The following PRELID2 variants were observed in gnomAD, a reference collection of about 807,000 sequenced individuals.
PRELID2 encodes PRELI domain containing 2.
Under a neutral mutation model 28.4 loss-of-function variants are expected in PRELID2, and 25 were observed. The ratio of observed to expected loss-of-function variants is 0.88; its 90% CI spans 0.64 to 1.23. The LOEUF (loss-of-function observed/expected upper bound fraction) is 1.23. Among genes scored for constraint, PRELID2 ranks in the 50% most tolerant of loss-of-function variants. PRELID2 has a pLI of 0.00. For missense variants in PRELID2, 201 were observed against 214.4 expected (o/e 0.94, Z 0.39); for synonymous variants, 76 against 71.6 (o/e 1.06, Z -0.31).
chr5:145,755,242 C>T (rs1052064117), downstream of PRELID2, among the ~76,000 whole-genome samples: 2 of 152,130 alleles, frequency 1.3e-5, no homozygotes, highest in Non-Finnish European at 2.9e-5. Flanking sequence ...GGGCATTTTG[C>T]TTGTTGACTT....
downstream of PRELID2, among the ~76,000 whole-genome samples, chr5:145,468,604 G>T (rs547421546): frequency 3.3e-5 from 5 of 152,014 alleles, no homozygotes; most frequent in East Asian, 1.9e-4. Flanking sequence ...TTTAATGATC[G>T]CCATTCTAAC....
chr5:145,757,246 T>C lies in PRELID2; in HGVS notation c.*3290A>G, dbSNP rs1757285188. Among the ~76,000 whole-genome samples, 1 of 152,214 alleles carries C rather than the reference T, an allele frequency of 6.6e-6. No homozygotes were observed. Among genetic ancestry groups the C allele is most frequent in the Non-Finnish European group, 1.5e-5 (1 of 68,048 alleles). On this transcript the variant is annotated 3_prime_UTR_variant, in exon 7 of 7. Transcript: ENST00000683046. ...AAGAATACAGCACCTTTTTCATCCA[T>C]ATATGACTGAAACTATAAAAGCCCC...
intron 1 of PRELID2, among the ~76,000 whole-genome samples, chr5:145,519,430 GTT>G (rs1752545223): frequency 6.6e-6 from 1 of 152,176 alleles, no homozygotes; most frequent in African/African-American, 2.4e-5. Flanking sequence ...TACATCCTAA[GTT>G]TTTGAGGATG....
intron 1 of PRELID2, among the ~76,000 whole-genome samples, chr5:145,666,394 T>C (rs532247745): frequency 6.6e-6 from 1 of 152,162 alleles, no homozygotes; most frequent in African/African-American, 2.4e-5. Flanking sequence ...ACCCAAGCCA[T>C]ACAGAGCTAC....
At chr5:145,808,515 A>G (rs1301835200) in intron 4 of PRELID2, among the ~76,000 whole-genome samples, 1 of 152,206 alleles carries the variant, frequency 6.6e-6, no homozygotes, top group Non-Finnish European at 1.5e-5. Context: ...AAACATTTAA[A>G]AAGTTGTATC....
chr5:145,386,890 A>G, the PRELID2 span, among the ~76,000 whole-genome samples: 7 of 152,196 alleles, frequency 4.6e-5, no homozygotes. Flanking sequence ...TCACTTTATA[A>G]CATTAATTCT....
intron 1 of PRELID2, among the ~76,000 whole-genome samples, chr5:145,513,024 T>C (rs1258292049): frequency 1.3e-5 from 2 of 151,680 alleles, no homozygotes; most frequent in Non-Finnish European, 2.9e-5. Context: ...TCCACAAAAA[T>C]GAGGAAAAAA....
the PRELID2 span, among the ~76,000 whole-genome samples, chr5:145,297,602 T>A: frequency 6.6e-6 from 1 of 151,896 alleles, no homozygotes; most frequent in African/African-American, 2.4e-5. Context: ...CAACATAGTG[T>A]TGGAAGTTCT....
intron 1 of PRELID2, among the ~76,000 whole-genome samples, chr5:145,698,021 C>T (rs370180774): frequency 1.3e-5 from 2 of 151,648 alleles, no homozygotes; most frequent in African/African-American, 2.4e-5. Context: ...CATGAAGTTA[C>T]GGTTTGCAAG....
intron 1 of PRELID2, among the ~76,000 whole-genome samples, chr5:145,740,803 G>T: frequency 1.9e-5 from 2 of 106,852 alleles, no homozygotes; most frequent in African/African-American, 3.8e-5. Context: ...ATACATATAT[G>T]TATATACATT....
At chr5:145,435,883 G>C in the PRELID2 span, among the ~76,000 whole-genome samples, 2 of 152,088 alleles carry the variant, frequency 1.3e-5, no homozygotes, top group East Asian at 3.9e-4. Flanking sequence ...GTTTCTCTAA[G>C]CCTTCATTTT....
the PRELID2 span, among the ~76,000 whole-genome samples, chr5:145,388,264 C>T: frequency 6.6e-6 from 1 of 152,074 alleles, no homozygotes; most frequent in Non-Finnish European, 1.5e-5. Flanking sequence ...AATTAATTAG[C>T]ATTTTAAGTA....
chr5:145,456,937 A>G, the PRELID2 span, among the ~76,000 whole-genome samples: 1 of 152,224 alleles, frequency 6.6e-6, no homozygotes, highest in African/African-American at 2.4e-5. Context: ...AGCAAATGAT[A>G]AAGGGCAAGA....
intron 1 of PRELID2, among the ~76,000 whole-genome samples, chr5:145,589,071 T>C (rs934892608): frequency 3.9e-5 from 6 of 152,192 alleles, no homozygotes; most frequent in African/African-American, 1.2e-4. Context: ...TGGCTGGCTA[T>C]ATAAATAAAA....
At chr5:145,291,286 G>C in the PRELID2 span, among the ~76,000 whole-genome samples, 8 of 141,642 alleles carry the variant, frequency 5.6e-5, no homozygotes, top group Non-Finnish European at 1.0e-4. Context: ...GCAGTGAGCC[G>C]AGATTGCACT....
At chr5:145,356,168 A>G in the PRELID2 span, among the ~76,000 whole-genome samples, 2 of 152,116 alleles carry the variant, frequency 1.3e-5, no homozygotes, top group East Asian at 3.9e-4. Flanking sequence ...GATTTAACAC[A>G]TTTGAATTTA....
At chr5:145,781,047 A>G (rs1346044459) in intron 5 of PRELID2, among the ~76,000 whole-genome samples, 1 of 152,212 alleles carries the variant, frequency 6.6e-6, no homozygotes, top group Admixed American at 6.5e-5. Flanking sequence ...TCTCCTAACA[A>G]CAGGCAGACA....
At chr5:145,673,256 GT>G (rs945100710) in intron 1 of PRELID2, among the ~76,000 whole-genome samples, 16 of 152,094 alleles carry the variant, frequency 1.1e-4, no homozygotes, top group African/African-American at 3.9e-4. Flanking sequence ...TGGCTTTTAG[GT>G]ATTAACTGCA....
intron 5 of PRELID2, among the ~76,000 whole-genome samples, chr5:145,784,437 G>A (rs1301067646): frequency 6.6e-6 from 1 of 152,118 alleles, no homozygotes; most frequent in Admixed American, 6.5e-5. Flanking sequence ...GAAGTTTTAA[G>A]AAGTTAAGTC....
Sources: allele counts gnomAD v4.1 joint callset (sites outside exome capture counted in the v4.1 genomes callset), GRCh38; gene constraint gnomAD v4.1.1; transcripts MANE v1.5; gene names NCBI Gene and HGNC (gene_info 2026-07-23, HGNC 2026-07-21).